The following PDE4B variants were observed in gnomAD, a reference collection of about 807,000 sequenced individuals.
PDE4B encodes 3',5'-cyclic-AMP phosphodiesterase 4B.
PDE4B carries 20 observed loss-of-function variants against 82.2 expected under a neutral mutation model. That is an observed-to-expected ratio of 0.24 (90% CI 0.17 to 0.35). The LOEUF is 0.35. Among genes scored for constraint, PDE4B ranks in the 10% least tolerant of loss-of-function variants. PDE4B has a pLI of 1.00. For synonymous variants in PDE4B, 320 were observed against 318.9 expected, an observed-to-expected ratio of 1.00 and a Z score of -0.04; for missense variants, 655 against 907.2, an observed-to-expected ratio of 0.72 and a Z score of 3.57.
intron 8 of PDE4B, among the ~76,000 whole-genome samples, chr1:66,342,260 T>C (rs1165361924): frequency 1.3e-5 from 2 of 152,324 alleles, no homozygotes; most frequent in African/African-American, 4.8e-5. Flanking sequence ...TTCTCCATAA[T>C]TTCTAATCAT....
chr1:66,017,468 T>C (rs765788781), intron 3 of PDE4B, among the ~76,000 whole-genome samples: 40 of 152,228 alleles, frequency 2.6e-4, no homozygotes, highest in Non-Finnish European at 2.4e-4. Flanking sequence ...CAGTAGCCTT[T>C]CAATTTATTC....
chr1:65,801,206 G>A (rs1645691150), intron 1 of PDE4B, among the ~76,000 whole-genome samples: 1 of 152,154 alleles, frequency 6.6e-6, no homozygotes, highest in African/African-American at 2.4e-5. Context: ...TAAATCCATA[G>A]GCTTAGGATG....
At chr1:65,972,508 T>C (rs560660771) in intron 3 of PDE4B, among the ~76,000 whole-genome samples, 2 of 152,198 alleles carry the variant, frequency 1.3e-5, no homozygotes, top group Non-Finnish European at 2.9e-5. Context: ...AATATATTCC[T>C]GTGGAAGAAA....
At chr1:66,347,677 T>C (rs1432530156) in intron 8 of PDE4B, among the ~76,000 whole-genome samples, 1 of 152,150 alleles carries the variant, frequency 6.6e-6, no homozygotes, top group Non-Finnish European at 1.5e-5. Flanking sequence ...TCCATTGTCT[T>C]TTACCTCAAG....
At chr1:66,107,582 T>C (rs1288080168) in intron 3 of PDE4B, among the ~76,000 whole-genome samples, 2 of 151,836 alleles carry the variant, frequency 1.3e-5, no homozygotes, top group East Asian at 3.9e-4. Context: ...TGACCAAAAA[T>C]ACTTTTTATT....
rs527705296 is a variant in PDE4B at position 66,183,592 on chromosome 1, A to G, written c.282-63868A>G. Among the ~76,000 whole-genome samples the G allele has an allele frequency of 3.3e-5, 5 of 152,316 alleles. No individual in the cohort carries two copies. The East Asian group carries it at 9.6e-4, about 29-fold the overall frequency. ...AATACCTGAATCTGTATAGCACTTTAAAGTTTGCAAAGCATTATCACTTTC... is the reference window on the plus strand; with the variant it reads ...AATACCTGAATCTGTATAGCACTTTGAAGTTTGCAAAGCATTATCACTTTC... On this transcript the variant is annotated intron_variant, in intron 3 of 16. Transcript: ENST00000341517.
chr1:66,330,658 T>C (rs1660039502), intron 7 of PDE4B: 1 of 452,298 alleles, frequency 2.2e-6, no homozygotes, highest in African/African-American at 2.1e-5. Context: ...TTTTCCTTTA[T>C]TAGAGGCAGG....
Position 66,211,804 on chromosome 1 carries a change from C to T in PDE4B, c.282-35656C>T, listed in dbSNP as rs116899800. 1.5e-4 allele frequency among the ~76,000 whole-genome samples: 23 copies of T among 152,314 alleles called. No homozygotes were observed. The East Asian group carries it at 4.2e-3, about 28-fold the overall frequency. On this transcript the variant is annotated intron_variant, in intron 3 of 16. Coordinates refer to ENST00000341517, the MANE Select transcript of PDE4B (RefSeq NM_002600.4). Reference sequence around the variant, plus strand: ...GTGATGTTTTCAGTGTATCATAGAACATAGCATTGTTGATCATCAGGTCTC... The same window carrying T: ...GTGATGTTTTCAGTGTATCATAGAATATAGCATTGTTGATCATCAGGTCTC...
intron 3 of PDE4B, among the ~76,000 whole-genome samples, chr1:66,203,470 A>C (rs1302258436): frequency 6.6e-6 from 1 of 152,136 alleles, no homozygotes; most frequent in Non-Finnish European, 1.5e-5. Context: ...TCTCCCTGTC[A>C]CTTTCAGGTA....
intron 7 of PDE4B, among the ~76,000 whole-genome samples, chr1:66,287,814 C>T (rs566133565): frequency 2.6e-5 from 4 of 151,890 alleles, no homozygotes; most frequent in African/African-American, 9.7e-5. Flanking sequence ...CAAAACAAAA[C>T]TTTATAAAAG....
chr1:66,097,516 A>G (rs956214437), intron 3 of PDE4B, among the ~76,000 whole-genome samples: 2 of 151,986 alleles, frequency 1.3e-5, no homozygotes, highest in African/African-American at 4.8e-5. Flanking sequence ...GATAGTTTCT[A>G]TTTTTACATC....
chr1:66,348,825 G>A (rs1414634303), intron 8 of PDE4B, among the ~76,000 whole-genome samples: 1 of 151,880 alleles, frequency 6.6e-6, no homozygotes, highest in African/African-American at 2.4e-5. Context: ...CATAGTGAAT[G>A]TATCAGTCTT....
chr1:66,353,874 T>G (rs1487364123), intron 8 of PDE4B, among the ~76,000 whole-genome samples: 2 of 152,210 alleles, frequency 1.3e-5, no homozygotes, highest in African/African-American at 2.4e-5. Flanking sequence ...AGTAAATGAA[T>G]GTTCATATTT....
chr1:66,134,777 T>G lies in PDE4B; in HGVS notation c.282-112683T>G, dbSNP rs574751558. 2.0e-5 allele frequency among the ~76,000 whole-genome samples: 3 copies of G among 152,358 alleles called. No individual in the cohort carries two copies. The South Asian group carries it at 6.2e-4, about 32-fold the overall frequency. On this transcript the variant is annotated intron_variant, in intron 3 of 16. Transcript: ENST00000341517. ...ACAATTATTTCCTTTTCTCCAAAACTGTTTATTACATGTGTGCCATGTGCC... is the reference window on the plus strand; with the variant it reads ...ACAATTATTTCCTTTTCTCCAAAACGGTTTATTACATGTGTGCCATGTGCC...
At chr1:65,893,780 T>C (rs1646878695) in intron 1 of PDE4B, among the ~76,000 whole-genome samples, 1 of 152,058 alleles carries the variant, frequency 6.6e-6, no homozygotes, top group African/African-American at 2.4e-5. Context: ...GAAATTGTGG[T>C]ATATATATGT....
At chr1:66,331,899 TATGCCTC>T (rs1366291094) in intron 7 of PDE4B, 127 of 989,218 alleles carry the variant, frequency 1.3e-4, no homozygotes, top group Non-Finnish European at 1.5e-4. Context: ...AGGAATAGCC[TATGCCTC>T]TTACTTGTGC....
intron 8 of PDE4B, among the ~76,000 whole-genome samples, chr1:66,345,090 G>T (rs1249381260): frequency 6.6e-6 from 1 of 152,162 alleles, no homozygotes; most frequent in Non-Finnish European, 1.5e-5. Context: ...CCCTGAGGAA[G>T]GTCTTATTGT....
chr1:66,238,615 G>C (rs1008777080), intron 3 of PDE4B, among the ~76,000 whole-genome samples: 1 of 152,146 alleles, frequency 6.6e-6, no homozygotes, highest in Non-Finnish European at 1.5e-5. Flanking sequence ...GATAGGACCT[G>C]TTGGTCAACT....
chr1:66,080,670 A>G (rs1656675603), intron 3 of PDE4B, among the ~76,000 whole-genome samples: 1 of 152,174 alleles, frequency 6.6e-6, no homozygotes, highest in Admixed American at 6.6e-5. Context: ...CATGTGTTAC[A>G]GGTACACTCT....
Sources: allele counts gnomAD v4.1 joint callset (sites outside exome capture counted in the v4.1 genomes callset), GRCh38; gene constraint gnomAD v4.1.1; transcripts MANE v1.5; gene names NCBI Gene and HGNC (gene_info 2026-07-23, HGNC 2026-07-21).